Variants in PHKB observed in about 807,000 individuals in gnomAD.
PHKB encodes the protein phosphorylase b kinase regulatory subunit beta.
In PHKB, 122 loss-of-function variants were observed where a neutral mutation model predicts 152.1. That is an observed-to-expected ratio of 0.80 (90% confidence interval 0.69 to 0.93). The LOEUF is 0.93. Ranked by LOEUF, PHKB falls within the 40% of genes least tolerant of loss-of-function variation. The probability of loss-of-function intolerance (pLI) is 0.00; values close to 1 mark genes in which losing one functional copy is unlikely to be tolerated. For missense variants in PHKB, 1,304 were observed against 1,328.4 expected, an observed-to-expected ratio of 0.98 and a Z score of 0.29; for synonymous variants, 436 against 464.9, an observed-to-expected ratio of 0.94 and a Z score of 0.80.
At chr16:47,629,360 G>A (rs1396223896) in intron 14 of PHKB, among the ~76,000 whole-genome samples, 32 of 151,904 alleles carry the variant, frequency 2.1e-4, no homozygotes, top group Admixed American at 4.6e-4. Context: ...AAAAGTGGGC[G>A]AAGGACATGA....
At chr16:47,674,417 G>T (rs1337923422) in intron 26 of PHKB, among the ~76,000 whole-genome samples, 6 of 152,102 alleles carry the variant, frequency 3.9e-5, no homozygotes, top group Non-Finnish European at 7.4e-5. Context: ...CAATTGCTTT[G>T]CACTAACCTA....
chr16:47,533,409 T>G (rs899845541), intron 6 of PHKB, among the ~76,000 whole-genome samples: 6 of 152,134 alleles, frequency 3.9e-5, no homozygotes, highest in Non-Finnish European at 8.8e-5. Flanking sequence ...TGCCCCCTTC[T>G]GCCCAGGAAC....
Position 47,641,680 on chromosome 16 carries a change from G to A in PHKB, c.1596G>A (p.Gln532=), listed in dbSNP as rs1973024886. 6.3e-7 allele frequency: 1 copy of A among 1,577,892 alleles called. No individual in the cohort carries two copies. Among genetic ancestry groups the A allele is most frequent in the South Asian group, 1.1e-5 (1 of 90,360 alleles). ...QVEPIQIWPQ[Q]ELVKAYLQLG... ...AACCCATTCAGATATGGCCTCAGCA[G>A]GAGCTTGTGAAAGTAAGTGATTCTG... is the stretch of plus-strand genomic sequence containing the variant. Residue 532 remains glutamine, a synonymous_variant, in exon 16 of 31, where the codon CAG becomes CAA. Transcript: ENST00000323584.
chr16:47,526,221 C>T (rs1382591512), intron 6 of PHKB, among the ~76,000 whole-genome samples: 1 of 151,870 alleles, frequency 6.6e-6, no homozygotes, highest in African/African-American at 2.4e-5. Context: ...CCAGCCTGGC[C>T]AACATGGTGA....
chr16:47,568,047 C>T (rs539031792), intron 7 of PHKB, among the ~76,000 whole-genome samples: 8 of 152,096 alleles, frequency 5.3e-5, no homozygotes, highest in Admixed American at 4.6e-4. Flanking sequence ...AGGGTGATAC[C>T]GACTTTGTAG....
At chr16:47,679,932 A>C (rs959122900) in intron 26 of PHKB, among the ~76,000 whole-genome samples, 1 of 152,164 alleles carries the variant, frequency 6.6e-6, no homozygotes, top group South Asian at 2.1e-4. Flanking sequence ...TATTATTTTG[A>C]GATACGTCTC....
intron 8 of PHKB, among the ~76,000 whole-genome samples, 193 bp from the exon 9 acceptor site, chr16:47,587,474 GA>G (rs1427577726): frequency 6.6e-6 from 1 of 152,136 alleles, no homozygotes; most frequent in Admixed American, 6.5e-5. Context: ...ACATTTTTAT[GA>G]TTATAAAATT....
intron 7 of PHKB, among the ~76,000 whole-genome samples, chr16:47,559,009 A>T (rs2151680360): frequency 6.6e-6 from 1 of 152,300 alleles, no homozygotes; most frequent in Middle Eastern, 3.4e-3. Flanking sequence ...TTTTCTCTTT[A>T]CATTTCAAAA....
At chr16:47,663,528 C>T in intron 23 of PHKB, 149 bp from the exon 24 acceptor site, 2 of 667,720 alleles carry the variant, frequency 3.0e-6, no homozygotes, top group South Asian at 3.6e-5. Context: ...ATTTGAGTTA[C>T]ATATTTAAAT....
In PHKB at chr16:47,531,933, C is replaced by T. The variant is rs1347149218; in HGVS notation, c.595-15500C>T. On this transcript the variant is annotated intron_variant, in intron 6 of 30. Coordinates refer to ENST00000323584, the MANE Select transcript of PHKB (RefSeq NM_000293.3). The stretch of plus-strand genomic sequence containing the variant: ...AAATCAATTTGATCCATTAAAGTAA[C>T]AATCTGCTCATCAAAAAACAACAAT... Among the ~76,000 whole-genome samples, 4 of 152,064 alleles carry T rather than the reference C, an allele frequency of 2.6e-5. No homozygotes were observed. In the East Asian group the frequency reaches 7.7e-4, roughly 29 times the overall value.
intron 1 of PHKB, among the ~76,000 whole-genome samples, chr16:47,495,801 G>A (rs1334527792): frequency 6.6e-6 from 1 of 152,160 alleles, no homozygotes; most frequent in Admixed American, 6.5e-5. Context: ...CAGGAAAGGA[G>A]TACTGATGTT....
intron 2 of PHKB, 105 bp downstream of exon 2, chr16:47,497,593 G>T: frequency 1.3e-6 from 1 of 743,472 alleles, no homozygotes; most frequent in East Asian, 2.7e-5. Flanking sequence ...TTCTGTCATT[G>T]GGATTTGGGG....
chr16:47,670,438 G>T (rs117600273), intron 26 of PHKB, among the ~76,000 whole-genome samples: 2 of 152,074 alleles, frequency 1.3e-5, no homozygotes, highest in Non-Finnish European at 2.9e-5. Flanking sequence ...TATAATTGTG[G>T]TTGTATCAAT....
At chr16:47,565,286 C>T (rs1293282749) in intron 7 of PHKB, 5 of 730,094 alleles carry the variant, frequency 6.8e-6, no homozygotes, top group Non-Finnish European at 1.3e-5. Context: ...TGGACCATGG[C>T]TAGAGTTCCC....
At chr16:47,471,051 T>C (rs1969758101) in intron 1 of PHKB, among the ~76,000 whole-genome samples, 1 of 152,200 alleles carries the variant, frequency 6.6e-6, no homozygotes, top group South Asian at 2.1e-4. Context: ...TTTTCTAAAA[T>C]GAACTAACCC....
At chr16:47,464,064 C>A in intron 1 of PHKB, 1 of 968,090 alleles carries the variant, frequency 1.0e-6, no homozygotes, top group Non-Finnish European at 1.7e-6. Context: ...GTTGATTTCA[C>A]TATAAGATAT....
chr16:47,670,729 A>G (rs983690383), intron 26 of PHKB, among the ~76,000 whole-genome samples: 1 of 152,094 alleles, frequency 6.6e-6, no homozygotes, highest in Non-Finnish European at 1.5e-5. Flanking sequence ...ACCTTTAGTG[A>G]TCTGCCTGCC....
intron 1 of PHKB, among the ~76,000 whole-genome samples, chr16:47,495,128 C>G (rs1970210496): frequency 6.7e-6 from 1 of 148,632 alleles, no homozygotes; most frequent in East Asian, 1.9e-4. Flanking sequence ...TGAATAGATA[C>G]TTATTTTCTT....
intron 5 of PHKB, among the ~76,000 whole-genome samples, chr16:47,512,226 A>G (rs1250675278): frequency 6.6e-6 from 1 of 152,186 alleles, no homozygotes; most frequent in African/African-American, 2.4e-5. Context: ...TTCAAAATAG[A>G]AGTATAGAAT....
Sources: allele counts gnomAD v4.1 joint callset (sites outside exome capture counted in the v4.1 genomes callset), GRCh38; gene constraint gnomAD v4.1.1; transcripts MANE v1.5; gene names NCBI Gene and HGNC (gene_info 2026-07-23, HGNC 2026-07-21).